Variants in PLEKHA8 observed in about 807,000 individuals in gnomAD.
PLEKHA8 encodes the protein pleckstrin homology domain containing A8.
In PLEKHA8, 36 loss-of-function variants were observed where a neutral mutation model predicts 68.2. That is an observed-to-expected ratio of 0.53 (90% CI 0.40 to 0.70). PLEKHA8 has a LOEUF of 0.70. PLEKHA8 is among the 30% of genes least tolerant of loss of function. The pLI, the probability that PLEKHA8 is intolerant of heterozygous loss-of-function variation, is 0.00. For missense variants in PLEKHA8, 505 were observed against 615.4 expected, an observed-to-expected ratio of 0.82 and a Z score of 1.90; for synonymous variants, 211 against 216.1, an observed-to-expected ratio of 0.98 and a Z score of 0.20.
chr7:30,075,373 G>A (rs1794547111), intron 13 of PLEKHA8, among the ~76,000 whole-genome samples: 1 of 152,026 alleles, frequency 6.6e-6, no homozygotes, highest in African/African-American at 2.4e-5. Flanking sequence ...TGTAGCTATT[G>A]GACACTTGTT....
intron 1 of PLEKHA8, among the ~76,000 whole-genome samples, chr7:30,030,280 AC>A (rs2127955361): frequency 6.6e-6 from 1 of 151,162 alleles, no homozygotes; most frequent in South Asian, 2.1e-4. Flanking sequence ...CCCATCCCCA[AC>A]TTTTTTTGTT....
chr7:30,050,623 T>G (rs1420937283), intron 6 of PLEKHA8, 149 bp downstream of exon 6: 1 of 1,093,016 alleles, frequency 9.1e-7, no homozygotes, highest in East Asian at 2.9e-5. Flanking sequence ...TTTCCTCTTT[T>G]GAGTGAGCCT....
chr7:30,035,935 CTCG>C (rs1235958945), intron 1 of PLEKHA8, among the ~76,000 whole-genome samples: 1 of 152,036 alleles, frequency 6.6e-6, no homozygotes, highest in East Asian at 2.0e-4. Context: ...CATGAGCCAC[CTCG>C]CCCGGCCATA....
rs978056557 is a variant in PLEKHA8, at chr7:30,082,498, G to C, written c.*3711G>C. 3.0e-6 allele frequency: 3 copies of C among 985,258 alleles called. No homozygotes were observed. The highest frequency in any genetic ancestry group is 3.5e-5 in the African/African-American group (2 of 57,218). 61.0% of individuals were successfully genotyped at this position (985,258 alleles called of 1,614,324 possible). ...GAGCCCATATTCCCATTTGTAGCTG[G>C]AAAGCGGGTGAATGACATGACATGG... On this transcript the variant is annotated 3_prime_UTR_variant, in exon 14 of 14. Coordinates refer to ENST00000449726, the MANE Select transcript of PLEKHA8 (RefSeq NM_001197026.2).
intron 1 of PLEKHA8, among the ~76,000 whole-genome samples, chr7:30,038,633 A>G (rs2127964156): frequency 6.6e-6 from 1 of 152,346 alleles, no homozygotes; most frequent in Admixed American, 6.5e-5. Flanking sequence ...GCATTTATCA[A>G]AACTCAGAAT....
At chr7:30,039,785 T>C (rs1290974237) in intron 1 of PLEKHA8, among the ~76,000 whole-genome samples, 1 of 152,220 alleles carries the variant, frequency 6.6e-6, no homozygotes, top group African/African-American at 2.4e-5. Context: ...GGTTTGCTTC[T>C]TTCTTTCCAA....
intron 12 of PLEKHA8, among the ~76,000 whole-genome samples, chr7:30,063,088 G>GA: frequency 6.6e-6 from 1 of 152,172 alleles, no homozygotes; most frequent in Non-Finnish European, 1.5e-5. Flanking sequence ...AGTATACAAA[G>GA]AAAAGCTTGA....
intron 12 of PLEKHA8, among the ~76,000 whole-genome samples, chr7:30,063,085 A>C (rs2127989401): frequency 6.6e-6 from 1 of 152,340 alleles, no homozygotes; most frequent in African/African-American, 2.4e-5. Context: ...ATCAGTATAC[A>C]AAGAAAAGCT....
At chr7:30,117,209 T>C (rs1413329291) in intron 13 of PLEKHA8, among the ~76,000 whole-genome samples, 1 of 152,144 alleles carries the variant, frequency 6.6e-6, no homozygotes, top group Admixed American at 6.5e-5. Flanking sequence ...CGATTCAAAC[T>C]CATGCCATAC....
chr7:30,030,159 C>T (rs1790551697), intron 1 of PLEKHA8, among the ~76,000 whole-genome samples: 1 of 152,174 alleles, frequency 6.6e-6, no homozygotes, highest in African/African-American at 2.4e-5. Flanking sequence ...TCTCTCTAAG[C>T]TCTCAGATGC....
downstream of PLEKHA8, among the ~76,000 whole-genome samples, chr7:30,087,432 C>G (rs17158619): frequency 0.019 from 2,874 of 152,290 alleles, 43 homozygotes; most frequent in East Asian, 0.04. Flanking sequence ...ACTGACCATC[C>G]CTTAGAGACC....
At chr7:30,032,472 A>T (rs913165926) in intron 1 of PLEKHA8, among the ~76,000 whole-genome samples, 2 of 152,226 alleles carry the variant, frequency 1.3e-5, no homozygotes, top group Non-Finnish European at 2.9e-5. Flanking sequence ...ATTTCAAAAA[A>T]CAGTTGCCTT....
At chr7:30,097,603 T>C (rs907199917) in intron 13 of PLEKHA8, among the ~76,000 whole-genome samples, 2 of 152,264 alleles carry the variant, frequency 1.3e-5, no homozygotes, top group Non-Finnish European at 2.9e-5. Context: ...ATACCCTTTC[T>C]TCCAGTTGAT....
At position 30,102,132 on chromosome 7, in the gene PLEKHA8, T is replaced by C. The variant is rs575546187; in HGVS notation, c.1363-27134T>C. Reference sequence around the variant, plus strand: ...TTTAAAAATAGGCAAAGGACTTGAATAGACATTTCTCTAAAGAAGACATAC... The same window carrying C: ...TTTAAAAATAGGCAAAGGACTTGAACAGACATTTCTCTAAAGAAGACATAC... On this transcript the variant is annotated intron_variant, in intron 13 of 13. Transcript: ENST00000396257. 7.2e-5 allele frequency among the ~76,000 whole-genome samples: 11 copies of C among 152,264 alleles called. No homozygotes were observed. The South Asian group carries it at 2.3e-3, about 32-fold the overall frequency.
chr7:30,129,129 T>A (rs961619458), intron 13 of PLEKHA8: 2 of 1,234,708 alleles, frequency 1.6e-6, no homozygotes, highest in Non-Finnish European at 2.4e-6. Flanking sequence ...AATAAGATTC[T>A]GGAAAATATA....
At chr7:30,089,845 TAAG>T in intron 12 of PLEKHA8, among the ~76,000 whole-genome samples, 1 of 152,090 alleles carries the variant, frequency 6.6e-6, no homozygotes, top group Non-Finnish European at 1.5e-5. Context: ...ATGACAGAGA[TAAG>T]AAAACTTCCC....
chr7:30,098,197 A>T (rs1483989677), intron 13 of PLEKHA8, among the ~76,000 whole-genome samples: 3 of 152,220 alleles, frequency 2.0e-5, no homozygotes, highest in African/African-American at 7.2e-5. Flanking sequence ...GTTTTGTCTC[A>T]GAGGAGTACC....
chr7:30,063,271 T>C (rs575813117), intron 12 of PLEKHA8, among the ~76,000 whole-genome samples: 8 of 152,248 alleles, frequency 5.3e-5, no homozygotes, highest in Non-Finnish European at 7.3e-5. Context: ...GATCATCTTA[T>C]ATCTCCAGCA....
At chr7:30,033,040 T>C (rs2127957847) in intron 1 of PLEKHA8, among the ~76,000 whole-genome samples, 1 of 152,374 alleles carries the variant, frequency 6.6e-6, no homozygotes, top group East Asian at 1.9e-4. Context: ...ATACTATATA[T>C]ACTAGTGCTG....
Sources: gnomAD v4.1 joint callset for allele counts (sites outside exome capture counted in the v4.1 genomes callset) on GRCh38, gnomAD v4.1.1 for gene constraint, MANE v1.5 for transcripts, NCBI Gene and HGNC (gene_info 2026-07-23, HGNC 2026-07-21) for gene names.